OR9Q1: variants seen among roughly 807,000 people sequenced by gnomAD.
OR9Q1 encodes the protein olfactory receptor 9Q1.
For synonymous variants in OR9Q1, 153 were observed against 148.6 expected, an observed-to-expected ratio of 1.03 and a Z score of -0.22; for missense variants, 374 against 378.8, an observed-to-expected ratio of 0.99 and a Z score of 0.11.
chr11:58,123,263 T>C (rs1475482846), intron 2 of OR9Q1, among the ~76,000 whole-genome samples: 1 of 152,234 alleles, frequency 6.6e-6, no homozygotes, highest in African/African-American at 2.4e-5. Flanking sequence ...CTTTATAATC[T>C]ATGGAAACAA....
intron 1 of OR9Q1, among the ~76,000 whole-genome samples, chr11:58,037,689 A>ATATATATATAG (rs1853119570): frequency 4.3e-4 from 3 of 6,998 alleles, no homozygotes; most frequent in Non-Finnish European, 5.3e-4. Context: ...ATATATATAT[A>ATATATATATAG]TTTTTTTTTT....
At chr11:58,151,425 C>T (rs752121958) in intron 2 of OR9Q1, among the ~76,000 whole-genome samples, 2 of 152,168 alleles carry the variant, frequency 1.3e-5, no homozygotes, top group South Asian at 2.1e-4. Flanking sequence ...GGTGTTGCAT[C>T]ATTTGCTTTC....
chr11:58,058,655 A>G (rs1026788296), intron 2 of OR9Q1, among the ~76,000 whole-genome samples: 2 of 152,128 alleles, frequency 1.3e-5, no homozygotes. Context: ...ACAGACAATG[A>G]CGGTGGCAGC....
chr11:58,156,160 G>C (rs1854405747), intron 2 of OR9Q1, among the ~76,000 whole-genome samples: 1 of 152,074 alleles, frequency 6.6e-6, no homozygotes, highest in Non-Finnish European at 1.5e-5. Flanking sequence ...TGATCCACCC[G>C]CCTCGGCCTC....
intron 2 of OR9Q1, among the ~76,000 whole-genome samples, chr11:58,097,130 C>T (rs1853740028): frequency 6.6e-6 from 1 of 152,222 alleles, no homozygotes; most frequent in Non-Finnish European, 1.5e-5. Flanking sequence ...GTGTGAGTCA[C>T]TGCACCCGGC....
intron 1 of OR9Q1, among the ~76,000 whole-genome samples, chr11:58,029,191 G>C (rs1461575782): frequency 6.6e-6 from 1 of 152,214 alleles, no homozygotes; most frequent in African/African-American, 2.4e-5. Flanking sequence ...CAGCTCAACT[G>C]GGGGCTGAAT....
In OR9Q1 at chr11:58,179,715, G is replaced by A. The variant is rs1854641806; in HGVS notation, c.271G>A (p.Ala91Thr). Residue 91 changes from alanine to threonine, a missense_variant, in exon 3 of 3, where the codon GCT becomes ACT. Coordinates refer to ENST00000335397, the MANE Select transcript of OR9Q1 (RefSeq NM_001005212.4). ...MLAVLLEHGA[A>T]LSYTRCAAQF... The stretch of plus-strand genomic sequence containing the variant: ...GGCAGTGCTGCTGGAGCATGGGGCA[G>A]CTTTATCTTACACACGCTGTGCTGC... The A allele has an allele frequency of 6.2e-7, 1 of 1,614,090 alleles. No individual in the cohort carries two copies. The highest frequency in any genetic ancestry group is 8.5e-7 in the Non-Finnish European group (1 of 1,180,048).
chr11:58,096,757 G>A (rs1260194464), intron 2 of OR9Q1, among the ~76,000 whole-genome samples: 1 of 147,352 alleles, frequency 6.8e-6, no homozygotes, highest in African/African-American at 2.5e-5. Context: ...AGGCTGGAGT[G>A]CAGTGGCGCA....
intron 2 of OR9Q1, among the ~76,000 whole-genome samples, chr11:58,174,445 G>A (rs1854585292): frequency 6.6e-6 from 1 of 151,814 alleles, no homozygotes; most frequent in Admixed American, 6.6e-5. Context: ...CTACAACCTG[G>A]GGTGCTTATT....
At chr11:58,104,908 A>G (rs764912420) in intron 2 of OR9Q1, among the ~76,000 whole-genome samples, 6 of 152,232 alleles carry the variant, frequency 3.9e-5, no homozygotes, top group African/African-American at 7.2e-5. Context: ...CATTGTGAAC[A>G]ATAAATAACA....
intron 1 of OR9Q1, among the ~76,000 whole-genome samples, chr11:58,039,050 C>A (rs549111448): frequency 6.6e-6 from 1 of 152,182 alleles, no homozygotes; most frequent in East Asian, 1.9e-4. Flanking sequence ...AGTGCAGTGG[C>A]ACAATCTTGG....
rs1422028398 is a variant in OR9Q1, at chr11:58,179,499, G to A, written c.55G>A (p.Glu19Lys). ...VTEFLLIAFT[E>K]YPEWALPLFL... ...CGAGTTCCTCCTTATTGCATTCACT[G>A]AATATCCTGAATGGGCACTCCCTCT... The change falls in exon 3 of 3, where the codon GAA becomes AAA. Residue 19 changes from glutamate (E) to lysine (K), a missense_variant. Physicochemically the swap from Glu to Lys is moderately conservative, Grantham distance 56. Coordinates refer to ENST00000335397, the MANE Select transcript of OR9Q1 (RefSeq NM_001005212.4). 6.2e-7 allele frequency: 1 copy of A among 1,602,766 alleles called. No homozygotes were observed. The highest frequency in any genetic ancestry group is 1.1e-5 in the South Asian group (1 of 88,624).
intron 2 of OR9Q1, among the ~76,000 whole-genome samples, chr11:58,106,859 A>G (rs1413775035): frequency 2.0e-5 from 3 of 152,078 alleles, no homozygotes; most frequent in Non-Finnish European, 4.4e-5. Flanking sequence ...GTATATGTCT[A>G]TTTTTATGTC....
At chr11:58,178,255 T>G (rs1453711559) in intron 2 of OR9Q1, among the ~76,000 whole-genome samples, 1 of 152,216 alleles carries the variant, frequency 6.6e-6, no homozygotes, top group Non-Finnish European at 1.5e-5. Context: ...AATTTGCGTA[T>G]TTCGAACTTT....
At chr11:58,086,417 T>G (rs1308456266) in intron 2 of OR9Q1, among the ~76,000 whole-genome samples, 1 of 151,882 alleles carries the variant, frequency 6.6e-6, no homozygotes, top group Non-Finnish European at 1.5e-5. Context: ...GTAACGTAAA[T>G]GAATACAGCC....
At chr11:58,164,667 A>G (rs1433539408) in intron 2 of OR9Q1, among the ~76,000 whole-genome samples, 34 of 152,084 alleles carry the variant, frequency 2.2e-4, no homozygotes, top group Admixed American at 2.2e-3. Flanking sequence ...AGGTGCTTTC[A>G]GCAATATCAA....
chr11:58,125,337 T>C (rs1590604541), intron 2 of OR9Q1: 2 of 148,360 alleles, frequency 1.3e-5, no homozygotes, highest in Admixed American at 6.9e-5. Context: ...TGACAACTTC[T>C]GATGACAAAG....
At chr11:58,034,735 T>TTTCCCTCCTTCCTTCCTTCCTTCCTTCC (rs1853079451) in intron 1 of OR9Q1, among the ~76,000 whole-genome samples, 11 of 111,476 alleles carry the variant, frequency 9.9e-5, no homozygotes, top group African/African-American at 3.6e-4. Context: ...GGTTTCTTTC[T>TTTCCCTCCTTCCTTCCTTCCTTCCTTCC]TTCCTTCCTT....
At chr11:58,063,973 G>T (rs1014305145) in intron 2 of OR9Q1, among the ~76,000 whole-genome samples, 3 of 152,152 alleles carry the variant, frequency 2.0e-5, no homozygotes, top group Non-Finnish European at 4.4e-5. Flanking sequence ...CCTAGCCTGG[G>T]TTATAAATCT....
Sources: allele counts gnomAD v4.1 joint callset (sites outside exome capture counted in the v4.1 genomes callset), GRCh38; gene constraint gnomAD v4.1.1; transcripts MANE v1.5; gene names NCBI Gene and HGNC (gene_info 2026-07-23, HGNC 2026-07-21).